Variants in TCEA1 observed in about 807,000 individuals in gnomAD.
The protein encoded by TCEA1 is transcription elongation factor A protein 1.
In TCEA1, 21 loss-of-function variants were observed where a neutral mutation model predicts 43.8. That is an observed-to-expected ratio of 0.48 (90% CI 0.34 to 0.69). The LOEUF (loss-of-function observed/expected upper bound fraction) is 0.69. TCEA1 is among the 30% of genes least tolerant of loss of function. The pLI is 0.01. For synonymous variants in TCEA1, 104 were observed against 117.5 expected, an observed-to-expected ratio of 0.88 and a Z score of 0.75; for missense variants, 250 against 365.1, an observed-to-expected ratio of 0.68 and a Z score of 2.57.
chr8:53,998,341 C>A (rs1346189356), intron 3 of TCEA1, among the ~76,000 whole-genome samples: 2 of 151,244 alleles, frequency 1.3e-5, no homozygotes, highest in African/African-American at 4.9e-5. Flanking sequence ...CCTTTCTGTA[C>A]TTTTTTTTTG....
chr8:53,979,252 A>G, intron 7 of TCEA1, 81 bp from the exon 8 acceptor site: 1 of 1,349,948 alleles, frequency 7.4e-7, no homozygotes, highest in South Asian at 2.1e-5. Flanking sequence ...AATTAGCCTA[A>G]TAATAATAAA....
At chr8:54,000,352 T>C (rs1038352935) in intron 2 of TCEA1, among the ~76,000 whole-genome samples, 2 of 152,142 alleles carry the variant, frequency 1.3e-5, no homozygotes, top group Non-Finnish European at 2.9e-5. Flanking sequence ...TAAACGAGGA[T>C]AAAATATATA....
intron 1 of TCEA1, among the ~76,000 whole-genome samples, chr8:54,014,373 C>T (rs1183897124): frequency 6.6e-6 from 1 of 152,034 alleles, no homozygotes; most frequent in Non-Finnish European, 1.5e-5. Flanking sequence ...CTCTGGGAGG[C>T]CTAAGGCAGG....
chr8:54,014,478 C>T (rs1355366883), intron 1 of TCEA1, among the ~76,000 whole-genome samples: 1 of 152,096 alleles, frequency 6.6e-6, no homozygotes, highest in Non-Finnish European at 1.5e-5. Context: ...GAATACATGT[C>T]CAAGTCTATG....
intron 1 of TCEA1, among the ~76,000 whole-genome samples, chr8:54,019,270 T>C (rs1804943733): frequency 6.6e-6 from 1 of 152,150 alleles, no homozygotes; most frequent in African/African-American, 2.4e-5. Context: ...CTATTACTCT[T>C]CAAAGTTAAC....
chr8:53,997,171 G>A (rs772191940), intron 3 of TCEA1, among the ~76,000 whole-genome samples: 5 of 152,106 alleles, frequency 3.3e-5, no homozygotes, highest in South Asian at 2.1e-4. Flanking sequence ...GCCTCCCAAA[G>A]TGCTGAGATT....
intron 1 of TCEA1, among the ~76,000 whole-genome samples, chr8:54,012,036 T>A (rs1008281083): frequency 1.3e-5 from 2 of 152,210 alleles, no homozygotes; most frequent in African/African-American, 4.8e-5. Flanking sequence ...AAAAGAAATC[T>A]AACACTGACT....
chr8:54,016,786 C>T (rs549170971), intron 1 of TCEA1, among the ~76,000 whole-genome samples: 1 of 151,796 alleles, frequency 6.6e-6, no homozygotes, highest in East Asian at 2.0e-4. Context: ...CCGGCCTGGC[C>T]AATATGGTGA....
Position 53,978,159 on chromosome 8 carries a change from G to T in TCEA1, c.825+866C>A, listed in dbSNP as rs942251649. On this transcript the variant is annotated intron_variant, in intron 8 of 9. Transcript: ENST00000521604. ...CATGCCTGTATTCCCAGTACTTCGG[G>T]AGGCCAAGGTGAGAGGATCATTCGA... is the stretch of plus-strand genomic sequence containing the variant. Among the ~76,000 whole-genome samples, 15 of 152,202 alleles carry T rather than the reference G, an allele frequency of 9.9e-5. No homozygotes were observed. In the East Asian group the frequency reaches 2.9e-3, roughly 29 times the overall value.
intron 1 of TCEA1, among the ~76,000 whole-genome samples, chr8:54,015,454 C>T (rs554122623): frequency 1.3e-5 from 2 of 152,226 alleles, no homozygotes; most frequent in South Asian, 4.2e-4. Flanking sequence ...AGGTGTGACC[C>T]ACCATGCCTG....
At chr8:53,993,600 C>G in intron 4 of TCEA1, 68 bp downstream of exon 4, 1 of 1,294,924 alleles carries the variant, frequency 7.7e-7, no homozygotes, top group Non-Finnish European at 1.1e-6. Context: ...GAACATTAGA[C>G]AGGGGAATTG....
At chr8:54,004,579 C>G (rs911097561) in intron 2 of TCEA1, among the ~76,000 whole-genome samples, 2 of 152,090 alleles carry the variant, frequency 1.3e-5, no homozygotes, top group Non-Finnish European at 2.9e-5. Flanking sequence ...ACAGGCAAAC[C>G]TATAGAGACA....
intron 2 of TCEA1, among the ~76,000 whole-genome samples, chr8:54,001,915 G>C (rs1326971956): frequency 6.6e-6 from 1 of 151,886 alleles, no homozygotes; most frequent in East Asian, 1.9e-4. Flanking sequence ...AGGCTGAGGC[G>C]GGCGGCTCAC....
intron 8 of TCEA1, chr8:53,973,691 A>T: frequency 1.8e-6 from 1 of 560,820 alleles, no homozygotes; most frequent in South Asian, 1.6e-5. Flanking sequence ...TCATGAAAAA[A>T]AAGAAATTAT....
intron 9 of TCEA1, among the ~76,000 whole-genome samples, chr8:53,968,853 G>T (rs1035557931): frequency 6.6e-6 from 1 of 152,074 alleles, no homozygotes; most frequent in African/African-American, 2.4e-5. Context: ...TTCTCAACAC[G>T]ATTGAAAAAG....
chr8:53,970,796 A>C (rs559836700), intron 8 of TCEA1, among the ~76,000 whole-genome samples: 2 of 152,320 alleles, frequency 1.3e-5, no homozygotes, highest in East Asian at 3.8e-4. Context: ...TCTCAAAAAC[A>C]ATTTCATCAG....
rs201331730 is a variant in TCEA1, at chr8:53,979,174, A to G, written c.679-3T>C. The G allele has an allele frequency of 9.3e-6, 15 of 1,612,788 alleles. No homozygotes were observed. The highest frequency in any genetic ancestry group is 1.6e-4 in the Middle Eastern group (1 of 6,080). ...TTCAGCTCATCACTAGCCATTTCCTATGAGGTAGGGGGCAATACCACTCAG... is the reference window on the plus strand; with the variant it reads ...TTCAGCTCATCACTAGCCATTTCCTGTGAGGTAGGGGGCAATACCACTCAG... On this transcript the variant is annotated splice_polypyrimidine_tract_variant and splice_region_variant and intron_variant, in intron 7 of 9. Coordinates refer to ENST00000521604, the MANE Select transcript of TCEA1 (RefSeq NM_006756.4).
chr8:53,986,197 G>A (rs1803684610), intron 6 of TCEA1, among the ~76,000 whole-genome samples: 1 of 152,170 alleles, frequency 6.6e-6, no homozygotes, highest in Non-Finnish European at 1.5e-5. Context: ...AGTTTTGAAA[G>A]CCAGTATGCA....
At chr8:53,981,741 G>A (rs1229319448) in intron 7 of TCEA1, among the ~76,000 whole-genome samples, 1 of 151,618 alleles carries the variant, frequency 6.6e-6, no homozygotes, top group African/African-American at 2.4e-5. Flanking sequence ...CATGAATCAA[G>A]GAGTAATTCT....
Sources: gnomAD v4.1 joint callset for allele counts (sites outside exome capture counted in the v4.1 genomes callset) on GRCh38, gnomAD v4.1.1 for gene constraint, MANE v1.5 for transcripts, NCBI Gene and HGNC (gene_info 2026-07-23, HGNC 2026-07-21) for gene names.